The following BTBD9 variants were observed in gnomAD, a reference collection of about 807,000 sequenced individuals.
BTBD9 encodes BTB domain containing 9.
A neutral mutation model predicts 64.3 loss-of-function variants in BTBD9; 49 were observed. The observed-to-expected ratio is 0.76, with a 90% confidence interval of 0.61 to 0.97. BTBD9 has a LOEUF of 0.97. BTBD9 is among the 50% of genes least tolerant of loss of function. The pLI, the probability that BTBD9 is intolerant of heterozygous loss-of-function variation, is 0.00. For synonymous variants in BTBD9, 260 were observed against 274.7 expected (o/e 0.95, Z 0.53); for missense variants, 598 against 762.1 (o/e 0.78, Z 2.53).
intron 1 of BTBD9, among the ~76,000 whole-genome samples, chr6:38,621,825 G>C (rs4714171): frequency 6.6e-6 from 1 of 152,116 alleles, no homozygotes; most frequent in Admixed American, 6.5e-5. Context: ...AAACCGTCGG[G>C]CAGATGCTGA....
intron 8 of BTBD9, among the ~76,000 whole-genome samples, chr6:38,279,158 G>T (rs1356103387): frequency 8.7e-6 from 1 of 115,326 alleles, no homozygotes; most frequent in Non-Finnish European, 1.8e-5. Flanking sequence ...GGAGAGGCAA[G>T]AAGAGGAGAT....
At chr6:38,391,665 C>G (rs1766424601) in intron 6 of BTBD9, among the ~76,000 whole-genome samples, 1 of 147,186 alleles carries the variant, frequency 6.8e-6, no homozygotes, top group South Asian at 2.1e-4. Flanking sequence ...CATTCTCTCT[C>G]TAATCCTTAC....
At chr6:38,289,749 T>G (rs1761884949) in intron 7 of BTBD9, among the ~76,000 whole-genome samples, 1 of 152,170 alleles carries the variant, frequency 6.6e-6, no homozygotes, top group African/African-American at 2.4e-5. Flanking sequence ...ATTTTGAGTC[T>G]CTCTCTATAT....
At chr6:38,422,592 A>C (rs1472887560) in intron 6 of BTBD9, among the ~76,000 whole-genome samples, 1 of 152,176 alleles carries the variant, frequency 6.6e-6, no homozygotes, top group African/African-American at 2.4e-5. Context: ...AAATGAAATG[A>C]AGATGTAGAA....
intron 8 of BTBD9, among the ~76,000 whole-genome samples, chr6:38,272,195 C>A (rs1007674835): frequency 1.3e-5 from 2 of 151,974 alleles, no homozygotes; most frequent in African/African-American, 4.8e-5. Context: ...AGTCAATAAA[C>A]AATATGTCAA....
chr6:38,531,616 CA>C (rs1241898931), intron 6 of BTBD9, among the ~76,000 whole-genome samples: 1 of 151,966 alleles, frequency 6.6e-6, no homozygotes, highest in Non-Finnish European at 1.5e-5. Context: ...ATGAACTGAT[CA>C]AAAATAGAAA....
intron 6 of BTBD9, among the ~76,000 whole-genome samples, chr6:38,378,780 A>C (rs996027130): frequency 5.3e-5 from 8 of 151,346 alleles, no homozygotes; most frequent in Non-Finnish European, 1.2e-4. Context: ...AGGCTGAGGC[A>C]GAAGAATCAC....
intron 6 of BTBD9, among the ~76,000 whole-genome samples, chr6:38,383,267 T>C (rs532563086): frequency 6.6e-6 from 1 of 152,312 alleles, no homozygotes; most frequent in Admixed American, 6.5e-5. Context: ...AACCCTGTGA[T>C]TGTCACAATA....
At position 38,471,263 on chromosome 6, in the gene BTBD9, G is replaced by A. The variant is rs147171486; in HGVS notation, c.1154+106337C>T. On this transcript the variant is annotated intron_variant, in intron 6 of 10. Coordinates refer to ENST00000481247, the MANE Select transcript of BTBD9 (RefSeq NM_001099272.2). The stretch of plus-strand genomic sequence containing the variant: ...CAACTAACATCAGTCTATTTTTAAG[G>A]CACAATAATCATTTCAACTGGCTAA... Among the ~76,000 whole-genome samples the A allele has an allele frequency of 3.0e-3, 460 of 152,172 alleles. 3 individuals carry two copies. The highest frequency in any genetic ancestry group is 9.8e-3 in the African/African-American group (405 of 41,512).
intron 6 of BTBD9, among the ~76,000 whole-genome samples, chr6:38,531,652 A>G (rs1203707541): frequency 6.6e-6 from 1 of 152,256 alleles, no homozygotes; most frequent in Non-Finnish European, 1.5e-5. Context: ...GACAGACAGT[A>G]TAAGAAGATA....
In BTBD9 at chr6:38,598,134, G is replaced by A; in HGVS notation, c.-27-13C>T. On this transcript the variant is annotated splice_polypyrimidine_tract_variant and intron_variant, in intron 1 of 10. Coordinates refer to ENST00000481247, the MANE Select transcript of BTBD9 (RefSeq NM_001099272.2). ...GATAGTCGTTGTTCTATCATATAAA[G>A]AAGGAATGAGAGTTAGTTGGGGGAG... 2 of 1,580,982 alleles carry A rather than the reference G, an allele frequency of 1.3e-6. No individual in the cohort carries two copies. The highest frequency in any genetic ancestry group is 1.7e-6 in the Non-Finnish European group (2 of 1,157,680).
intron 8 of BTBD9, among the ~76,000 whole-genome samples, chr6:38,260,418 TG>T (rs1458878164): frequency 7.9e-5 from 12 of 152,228 alleles, no homozygotes; most frequent in African/African-American, 2.4e-4. Flanking sequence ...CATAAGCTAG[TG>T]TTTCTACAGA....
chr6:38,576,014 T>A (rs1195672853), intron 6 of BTBD9, among the ~76,000 whole-genome samples: 1 of 152,190 alleles, frequency 6.6e-6, no homozygotes. Context: ...CAACAGGAGC[T>A]TTCAGGTGGG....
chr6:38,223,713 T>C (rs1763294063), intron 9 of BTBD9, among the ~76,000 whole-genome samples: 1 of 152,160 alleles, frequency 6.6e-6, no homozygotes, highest in Admixed American at 6.5e-5. Context: ...CCTCACGCTG[T>C]CATACTCAGT....
intron 6 of BTBD9, among the ~76,000 whole-genome samples, chr6:38,409,888 A>G (rs971876): frequency 0.058 from 8,781 of 152,154 alleles, 721 homozygotes; most frequent in East Asian, 0.33. Context: ...TGGTTGTACA[A>G]GTGTGTGATT....
In BTBD9 at chr6:38,288,375, C is replaced by T. The variant is rs1761827343; in HGVS notation, c.1351G>A (p.Asp451Asn). 6.2e-7 allele frequency: 1 copy of T among 1,614,026 alleles called. No homozygotes were observed. Among genetic ancestry groups the T allele is most frequent in the Non-Finnish European group, 8.5e-7 (1 of 1,180,028 alleles). The change falls in exon 8 of 11, where the codon GAC becomes AAC. Residue 451 changes from aspartate (D) to asparagine (N), a missense_variant. By Grantham distance (23) the Asp-to-Asn change is conservative. Transcript: ENST00000481247. The stretch of plus-strand genomic sequence containing the variant: ...GAATCCCAGTCATAATTCTTAGTGT[C>T]CCCATTCAGCAAGGCATTTCGGCTC... ...SRSRNALLNG[D>N]TKNYDWDSGY...
At chr6:38,290,563 T>G (rs932580071) in intron 7 of BTBD9, among the ~76,000 whole-genome samples, 1 of 152,110 alleles carries the variant, frequency 6.6e-6, no homozygotes, top group African/African-American at 2.4e-5. Context: ...ATGTATTCAG[T>G]GACGATCAGC....
chr6:38,501,343 G>A (rs755586475), intron 6 of BTBD9, among the ~76,000 whole-genome samples: 3 of 152,136 alleles, frequency 2.0e-5, no homozygotes, highest in Non-Finnish European at 4.4e-5. Context: ...CAACCAGTAG[G>A]TATAATACAA....
chr6:38,628,672 T>C (rs990532197), intron 1 of BTBD9, among the ~76,000 whole-genome samples: 1 of 152,004 alleles, frequency 6.6e-6, no homozygotes, highest in Non-Finnish European at 1.5e-5. Context: ...AAACTGAAGG[T>C]GTCAGTATGA....
Sources: gnomAD v4.1 joint callset for allele counts (sites outside exome capture counted in the v4.1 genomes callset) on GRCh38, gnomAD v4.1.1 for gene constraint, MANE v1.5 for transcripts, NCBI Gene and HGNC (gene_info 2026-07-23, HGNC 2026-07-21) for gene names.